ZNF281: variants seen among roughly 807,000 people sequenced by gnomAD.
ZNF281 encodes the protein zinc finger protein 281.
In ZNF281, 2 loss-of-function variants were observed where a neutral mutation model predicts 58.8. The observed-to-expected ratio is 0.03, with a 90% CI of 0.01 to 0.11. The LOEUF (loss-of-function observed/expected upper bound fraction) is 0.11. Among genes scored for constraint, ZNF281 ranks in the 10% least tolerant of loss-of-function variants. The pLI is 1.00. For missense variants in ZNF281, 975 were observed against 1,090.7 expected (o/e 0.89, Z 1.49); for synonymous variants, 465 against 407.7 (o/e 1.14, Z -1.69).
chr1:200,410,011 A>C lies in ZNF281; in HGVS notation c.-84T>G. 29 of 515,238 alleles carry C rather than the reference A, an allele frequency of 5.6e-5. No homozygotes were observed. Among genetic ancestry groups the C allele is most frequent in the East Asian group, 1.5e-4 (4 of 27,434 alleles). 31.9% of individuals were successfully genotyped at this position (515,238 alleles called of 1,614,324 possible). A position where few individuals can be genotyped will look rare whatever the true frequency, so the allele number is the denominator to read the frequency against. ...TAAAAATAACGCCGTCCTCTCCACA[A>C]TGGAATTAAAAGCCTCCCGTGTACT... On this transcript the variant is annotated 5_prime_UTR_variant, in exon 1 of 2. Transcript: ENST00000367353.
At position 200,409,257 on chromosome 1, in the gene ZNF281, C is replaced by A. The variant is rs778227440; in HGVS notation, c.449G>T (p.Gly150Val). 4.3e-6 allele frequency: 7 copies of A among 1,613,192 alleles called. No individual in the cohort carries two copies. The highest frequency in any genetic ancestry group is 5.9e-6 in the Non-Finnish European group (7 of 1,179,340). The change falls in exon 2 of 2, where the codon GGG becomes GTG. Residue 150 changes from glycine to valine, a missense_variant. Transcript: ENST00000367353. ...CTCTTCAGCTCCAGCGAACAGCCCC[C>A]CATAGTGGTGGTGGTGATGGTGGTG... ...SHHHHHHHHY[G>V]GLFAGAEERS...
Position 200,407,526 on chromosome 1 carries a change from A to T in ZNF281, c.2180T>A (p.Val727Glu). The change falls in exon 2 of 2, where the codon GTG becomes GAG. Residue 727 changes from valine (V) to glutamate (E), a missense_variant. Coordinates refer to ENST00000367353, the MANE Select transcript of ZNF281 (RefSeq NM_001281293.2). ...AGGCTTTGGCAATGAAGATGGCAAC[A>T]CTGAGGTAACAGATTGGCCGAAACC... ...ECGFGQSVTS[V>E]LPSSLPKPPF... 1 of 1,614,228 alleles carries T rather than the reference A, an allele frequency of 6.2e-7. No homozygotes were observed. The highest frequency in any genetic ancestry group is 8.5e-7 in the Non-Finnish European group (1 of 1,180,048).
In ZNF281 at chr1:200,409,192, C is replaced by T. The variant is rs775654200; in HGVS notation, c.514G>A (p.Gly172Ser). Residue 172 changes from glycine (G) to serine (S), a missense_variant, in exon 2 of 2, where the codon GGC becomes AGC. Gly to Ser is a moderately conservative substitution (Grantham distance 56). Coordinates refer to ENST00000367353, the MANE Select transcript of ZNF281 (RefSeq NM_001281293.2). ...GLGGGEGGSH[G>S]VIQDLSILHQ... ...AGAATACTGAGGTCCTGGATGACGC[C>T]GTGACTCCCCCCTTCACCGCCTCCT... 3 of 1,614,086 alleles carry T rather than the reference C, an allele frequency of 1.9e-6. No homozygotes were observed. Among genetic ancestry groups the T allele is most frequent in the Non-Finnish European group, 8.5e-7 (1 of 1,180,016 alleles).
chr1:200,408,526 A>G lies in ZNF281; in HGVS notation c.1180T>C (p.Leu394=), dbSNP rs1477938775. Residue 394 remains leucine (L), a synonymous_variant, in exon 2 of 2, where the codon TTG becomes CTG. Transcript: ENST00000367353. ...NHTNMGNLAV[L]SQGNTSSSRR... is the part of the protein sequence containing the mutation. ...GAAGAACTTGTATTTCCCTGAGACA[A>G]CACAGCCAGATTACCCATATTGGTA... 6.2e-7 allele frequency: 1 copy of G among 1,614,198 alleles called. No homozygotes were observed. Among genetic ancestry groups the G allele is most frequent in the Admixed American group, 1.7e-5 (1 of 60,020 alleles).
Position 200,409,049 on chromosome 1 carries a change from T to C in ZNF281, c.657A>G (p.Lys219=), listed in dbSNP as rs931376544. The change falls in exon 2 of 2, where the codon AAA becomes AAG. Residue 219 remains lysine, a synonymous_variant. Coordinates refer to ENST00000367353, the MANE Select transcript of ZNF281 (RefSeq NM_001281293.2). ...TEEPKQDTNV[K]KAKRPKPESQ... ...ATTCTGGCTTTGGCCTTTTTGCCTT[T>C]TTGACATTAGTGTCCTGCTTTGGCT... 6.2e-7 allele frequency: 1 copy of C among 1,614,232 alleles called. No individual in the cohort carries two copies. The highest frequency in any genetic ancestry group is 8.5e-7 in the Non-Finnish European group (1 of 1,180,030).
chr1:200,409,421 G>A lies in ZNF281; in HGVS notation c.285C>T (p.Ala95=). 1 of 1,521,864 alleles carries A rather than the reference G, an allele frequency of 6.6e-7. No homozygotes were observed. The highest frequency in any genetic ancestry group is 8.8e-7 in the Non-Finnish European group (1 of 1,132,122). 94.3% of individuals were successfully genotyped at this position (1,521,864 alleles called of 1,614,324 possible). The change falls in exon 2 of 2, where the codon GCC becomes GCT. Residue 95 remains alanine (A), a synonymous_variant. Coordinates refer to ENST00000367353, the MANE Select transcript of ZNF281 (RefSeq NM_001281293.2). ...APAAEPPPPP[A]PDMTFKKEPA... ...GCTCCTTCTTGAAAGTCATGTCCGG[G>A]GCTGGCGGAGGGGGGGGCTCAGCGG...
Position 200,409,597 on chromosome 1 carries a change from C to CGCTGCT in ZNF281, c.103_108dup (p.Ser35_Ser36dup). The CGCTGCT allele has an allele frequency of 6.5e-7, 1 of 1,549,202 alleles. No individual in the cohort carries two copies. Among genetic ancestry groups the CGCTGCT allele is most frequent in the Non-Finnish European group, 8.7e-7 (1 of 1,146,830 alleles). ...GTGGGTTCCATCTCTGCCCTCCTGC[C>CGCTGCT]GCTGCTGCCGCCGCCGCCGCCGCCG... On this transcript the variant is annotated inframe_insertion, in exon 2 of 2. Coordinates refer to ENST00000367353, the MANE Select transcript of ZNF281 (RefSeq NM_001281293.2).
In ZNF281 at chr1:200,409,613, G is replaced by GCCGCCGCCGCCACTACCA. The variant is rs1431467330; in HGVS notation, c.75_92dup (p.Ser27_Gly32dup). ...CCCTCCTGCCGCTGCTGCCGCCGCC[G>GCCGCCGCCGCCACTACCA]CCGCCGCCGCCACTACCACCGCCGC... On this transcript the variant is annotated inframe_insertion, in exon 2 of 2. Coordinates refer to ENST00000367353, the MANE Select transcript of ZNF281 (RefSeq NM_001281293.2). 41 of 1,548,738 alleles carry GCCGCCGCCGCCACTACCA rather than the reference G, an allele frequency of 2.6e-5. No individual in the cohort carries two copies. The highest frequency in any genetic ancestry group is 1.4e-4 in the Admixed American group (7 of 51,038).
Position 200,407,298 on chromosome 1 carries a change from A to G in ZNF281, c.2408T>C (p.Phe803Ser), listed in dbSNP as rs1333712461. The G allele has an allele frequency of 4.3e-6, 7 of 1,614,026 alleles. No individual in the cohort carries two copies. Among genetic ancestry groups the G allele is most frequent in the Non-Finnish European group, 5.1e-6 (6 of 1,180,038 alleles). The change falls in exon 2 of 2, where the codon TTT becomes TCT. Residue 803 changes from phenylalanine (F) to serine (S), a missense_variant. Phe to Ser is a radical substitution (Grantham distance 155). Around this residue, in one of 3 missense-constraint regions of ZNF281, gnomAD observed 579 missense variants for 608.9 expected, o/e 0.95. Transcript: ENST00000367353. ...EQKNLESSTG[F>S]QIPSQELASQ... ...AGCTAACTCCTGAGATGGAATCTGA[A>G]AGCCTGTTGAAGACTCTAAGTTTTT...
chr1:200,407,816 T>C lies in ZNF281; in HGVS notation c.1890A>G (p.Glu630=), dbSNP rs140886480. 9.3e-6 allele frequency: 15 copies of C among 1,614,054 alleles called. No homozygotes were observed. In the African/African-American group the frequency reaches 1.7e-4, roughly 19 times the overall value. The change falls in exon 2 of 2, where the codon GAA becomes GAG. Residue 630 remains glutamate (E), a synonymous_variant. Transcript: ENST00000367353. ...SQKEDPFNIA[E]PRVDLHTSGE... Reference sequence around the variant, plus strand: ...CTGAGGTGTGTAAATCCACTCGTGGTTCTGCAATATTGAAAGGATCCTCTT... The same window carrying C: ...CTGAGGTGTGTAAATCCACTCGTGGCTCTGCAATATTGAAAGGATCCTCTT...
chr1:200,407,324 C>T lies in ZNF281; in HGVS notation c.2382G>A (p.Gln794=), dbSNP rs376956259. ...SSQKLTSQKE[Q]KNLESSTGFQ... ...AGCCTGTTGAAGACTCTAAGTTTTTCTGTTCCTTCTGGCTAGTCAATTTCT... is the reference window on the plus strand; with the variant it reads ...AGCCTGTTGAAGACTCTAAGTTTTTTTGTTCCTTCTGGCTAGTCAATTTCT... The change falls in exon 2 of 2, where the codon CAG becomes CAA. Residue 794 remains glutamine (Q), a synonymous_variant. Transcript: ENST00000367353. 2.8e-5 allele frequency: 45 copies of T among 1,614,102 alleles called. No individual in the cohort carries two copies. Among genetic ancestry groups the T allele is most frequent in the Non-Finnish European group, 3.6e-5 (43 of 1,180,044 alleles).
chr1:200,405,385 A>G lies in ZNF281; in HGVS notation c.*1633T>C, dbSNP rs187472952. 4.6e-5 allele frequency: 7 copies of G among 152,334 alleles called. No individual in the cohort carries two copies. In the East Asian group the frequency reaches 1.3e-3, roughly 29 times the overall value. The allele number at this position is 152,334 out of a possible 1,614,324, so 9.4% of individuals were successfully genotyped here. ...AACAGAAGTGTTTTACACTTGCACA[A>G]TATTAATTACTTTATTATACATGGA... On this transcript the variant is annotated 3_prime_UTR_variant, in exon 2 of 2. Transcript: ENST00000367353.
In ZNF281 at chr1:200,409,286, G is replaced by A. The variant is rs1558006005; in HGVS notation, c.420C>T (p.Ser140=). 3.1e-6 allele frequency: 5 copies of A among 1,610,886 alleles called. No homozygotes were observed. Among genetic ancestry groups the A allele is most frequent in the Non-Finnish European group, 4.2e-6 (5 of 1,178,148 alleles). ...AGTGGTGGTGGTGATGGTGGTGGTG[G>A]GACTGCTGCTCCTCAGGATCCGCGG... The part of the protein sequence containing the change: ...EKPADPEEQQ[S]HHHHHHHHYG... The change falls in exon 2 of 2, where the codon TCC becomes TCT. Residue 140 remains serine (S), a synonymous_variant. Transcript: ENST00000367353.
rs1374201308 is a variant in ZNF281 at position 200,407,000 on chromosome 1, C to T, written c.*18G>A. 4 of 1,587,818 alleles carry T rather than the reference C, an allele frequency of 2.5e-6. No individual in the cohort carries two copies. In the African/African-American group the frequency reaches 4.1e-5, roughly 16 times the overall value. On this transcript the variant is annotated 3_prime_UTR_variant, in exon 2 of 2. Coordinates refer to ENST00000367353, the MANE Select transcript of ZNF281 (RefSeq NM_001281293.2). ...AAAATTACATTAGAAGACCTCCAGCCTGGCCACTTTTGGGACCTTACCTGT... is the reference window on the plus strand; with the variant it reads ...AAAATTACATTAGAAGACCTCCAGCTTGGCCACTTTTGGGACCTTACCTGT...
At position 200,407,030 on chromosome 1, in the gene ZNF281, C is replaced by G. The variant is rs760261492; in HGVS notation, c.2676G>C (p.Gln892His). The G allele has an allele frequency of 6.2e-7, 1 of 1,609,576 alleles. No individual in the cohort carries two copies. The highest frequency in any genetic ancestry group is 1.1e-5 in the South Asian group (1 of 90,652). The change falls in exon 2 of 2, where the codon CAG becomes CAC. Residue 892 changes from glutamine to histidine, a missense_variant. Transcript: ENST00000367353. ...CACTTTTGGGACCTTACCTGTAACT[C>G]TGGCTGGTGGGTGTCTTTACTCTTG... ...CSTRVKTPTSQSYR is the reference protein window; with the variant it reads ...CSTRVKTPTSHSYR
At position 200,409,644 on chromosome 1, in the gene ZNF281, CCGCTACCACCGCTACTGCCG is replaced by C; in HGVS notation, c.42_61del (p.Gly15LeufsTer6). 6.4e-7 allele frequency: 1 copy of C among 1,551,816 alleles called. No individual in the cohort carries two copies. The highest frequency in any genetic ancestry group is 8.7e-7 in the Non-Finnish European group (1 of 1,150,128). On this transcript the variant is annotated frameshift_variant, in exon 2 of 2. Transcript: ENST00000367353. LOFTEE classifies it high-confidence loss of function. ...GCCGCCACTACCACCGCCGCCGGAG[CCGCTACCACCGCTACTGCCG>C]GTACCTCCGCCGCCACTCAGGAACC...
At position 200,407,275 on chromosome 1, in the gene ZNF281, C is replaced by T. The variant is rs1654477972; in HGVS notation, c.2431G>A (p.Ala811Thr). 6.2e-7 allele frequency: 1 copy of T among 1,614,072 alleles called. No homozygotes were observed. The highest frequency in any genetic ancestry group is 1.3e-5 in the African/African-American group (1 of 74,922). Residue 811 changes from alanine to threonine, a missense_variant, in exon 2 of 2, where the codon GCT (alanine) becomes ACT (threonine). Physicochemically the swap from Ala to Thr is moderately conservative, Grantham distance 58 (BLOSUM62 0). Transcript: ENST00000367353. Reference protein sequence around the residue: ...TGFQIPSQELASQIDPQKDIE... With the variant: ...TGFQIPSQELTSQIDPQKDIE... ...TCTTTCTGAGGATCTATCTGGCTAG[C>T]TAACTCCTGAGATGGAATCTGAAAG...
Position 200,407,539 on chromosome 1 carries a change from A to G in ZNF281, c.2167T>C (p.Ser723Pro). The G allele has an allele frequency of 1.2e-6, 2 of 1,614,234 alleles. No individual in the cohort carries two copies. The highest frequency in any genetic ancestry group is 1.7e-6 in the Non-Finnish European group (2 of 1,180,038). ...GAAGATGGCAACACTGAGGTAACAG[A>G]TTGGCCGAAACCACACTCCAAAGGA... ...TSPLECGFGQ[S>P]VTSVLPSSLP... Residue 723 changes from serine to proline, a missense_variant, in exon 2 of 2, where the codon TCT (serine) becomes CCT (proline). Physicochemically the swap from Ser to Pro is moderately conservative, Grantham distance 74. Around this residue, in one of 3 missense-constraint regions of ZNF281, gnomAD observed 579 missense variants for 608.9 expected, o/e 0.95. Coordinates refer to ENST00000367353, the MANE Select transcript of ZNF281 (RefSeq NM_001281293.2).
chr1:200,409,683 A>C lies in ZNF281; in HGVS notation c.23T>G (p.Leu8Arg). MKIGSGF[L>R]SGGGGTGSSG... is the part of the protein sequence containing the mutation. The stretch of plus-strand genomic sequence containing the variant: ...ACTGCCGGTACCTCCGCCGCCACTC[A>C]GGAACCCACTGCCGATTTTCATACC... The change falls in exon 2 of 2, where the codon CTG becomes CGG. Residue 8 changes from leucine (L) to arginine (R), a missense_variant. Coordinates refer to ENST00000367353, the MANE Select transcript of ZNF281 (RefSeq NM_001281293.2). 1 of 1,579,766 alleles carries C rather than the reference A, an allele frequency of 6.3e-7. No homozygotes were observed. Among genetic ancestry groups the C allele is most frequent in the Non-Finnish European group, 8.6e-7 (1 of 1,165,658 alleles).
Sources: gnomAD v4.1 joint callset for allele counts on GRCh38, gnomAD v4.1.1 for gene constraint, gnomAD v4.1.1 regional missense constraint, MANE v1.5 for transcripts, NCBI Gene and HGNC (gene_info 2026-07-23, HGNC 2026-07-21) for gene names.